RANBP2: variants seen among roughly 807,000 people sequenced by gnomAD.
RANBP2 encodes RAN binding protein 2, also known as E3 SUMO-protein ligase RanBP2.
In RANBP2, 57 loss-of-function variants were observed where a neutral mutation model predicts 303.6. The observed-to-expected ratio is 0.19, with a 90% CI of 0.15 to 0.23. RANBP2 has a LOEUF of 0.23. RANBP2 is among the 10% of genes least tolerant of loss of function. RANBP2 has a pLI of 1.00. For synonymous variants in RANBP2, 1,167 were observed against 1,301.5 expected, an observed-to-expected ratio of 0.90 and a Z score of 2.23; for missense variants, 3,138 against 3,780.8, an observed-to-expected ratio of 0.83 and a Z score of 4.46.
the RANBP2 span, among the ~76,000 whole-genome samples, chr2:109,587,962 G>A: frequency 6.6e-6 from 1 of 151,486 alleles, no homozygotes; most frequent in Admixed American, 6.6e-5. Context: ...CGGGCGTGGT[G>A]GCACCTATAA....
chr2:109,248,753 CTTCT>C, the RANBP2 span, among the ~76,000 whole-genome samples: 3 of 149,908 alleles, frequency 2.0e-5, no homozygotes, highest in South Asian at 2.1e-4. Flanking sequence ...TCTTTCCTTC[CTTCT>C]CTCTCTCTCT....
chr2:109,562,893 G>A, the RANBP2 span, among the ~76,000 whole-genome samples: 2 of 151,862 alleles, frequency 1.3e-5, no homozygotes, highest in Admixed American at 1.3e-4. Context: ...GGTGAGGGTG[G>A]GTTAAGTACA....
At chr2:109,531,900 C>T in the RANBP2 span, among the ~76,000 whole-genome samples, 24 of 152,354 alleles carry the variant, frequency 1.6e-4, no homozygotes, top group African/African-American at 5.8e-4. Flanking sequence ...GCTCAACCCA[C>T]ATAACTGTAA....
At chr2:109,214,977 C>T in the RANBP2 span, among the ~76,000 whole-genome samples, 2 of 152,210 alleles carry the variant, frequency 1.3e-5, no homozygotes, top group Non-Finnish European at 1.5e-5. Flanking sequence ...TCGCTGAGCT[C>T]ACACATCTTG....
At chr2:109,571,097 TCTC>T in the RANBP2 span, among the ~76,000 whole-genome samples, 2 of 152,092 alleles carry the variant, frequency 1.3e-5, no homozygotes, top group Non-Finnish European at 2.9e-5. Flanking sequence ...CCCCCTGCAC[TCTC>T]CTCCTCCTTC....
At chr2:108,786,187 C>G (rs547208341), downstream of RANBP2, among the ~76,000 whole-genome samples, 1 of 151,132 alleles carries the variant, frequency 6.6e-6, no homozygotes, top group South Asian at 2.1e-4. Context: ...TTTTAATACC[C>G]TGTTATACCC....
At chr2:109,078,245 GTGTATATATATATATATAGCGCGTATATA>G in the RANBP2 span, among the ~76,000 whole-genome samples, 582 of 33,914 alleles carry the variant, frequency 0.017, 53 homozygotes, top group African/African-American at 0.04. Context: ...TATATATAGC[GTGTATATATATATATATAGCGCGTATATA>G]TATATATATA....
At chr2:108,887,747 T>G in the RANBP2 span, among the ~76,000 whole-genome samples, 1 of 152,236 alleles carries the variant, frequency 6.6e-6, no homozygotes, top group Non-Finnish European at 1.5e-5. Context: ...TTTACTCAAT[T>G]TATTTATTAG....
chr2:109,710,062 G>A, the RANBP2 span, among the ~76,000 whole-genome samples: 4 of 149,718 alleles, frequency 2.7e-5, no homozygotes, highest in Non-Finnish European at 5.9e-5. Context: ...ACTCCTGCCT[G>A]GGTGACAGAG....
the RANBP2 span, among the ~76,000 whole-genome samples, chr2:108,838,697 T>C: frequency 6.6e-6 from 1 of 152,170 alleles, no homozygotes; most frequent in African/African-American, 2.4e-5. Flanking sequence ...TATAAACAAG[T>C]AAATAGTACT....
At chr2:109,766,505 T>G in the RANBP2 span, among the ~76,000 whole-genome samples, 14 of 150,694 alleles carry the variant, frequency 9.3e-5, no homozygotes, top group African/African-American at 2.7e-4. Flanking sequence ...AAATGTATCT[T>G]GATGACGTTG....
Position 108,782,393 on chromosome 2 carries a change from A to G in RANBP2, c.9026A>G (p.Asp3009Gly). The G allele has an allele frequency of 6.2e-7, 1 of 1,614,024 alleles. No homozygotes were observed. Among genetic ancestry groups the G allele is most frequent in the Non-Finnish European group, 8.5e-7 (1 of 1,180,024 alleles). Residue 3009 changes from aspartate to glycine, a missense_variant, in exon 27 of 29, where the codon GAT (aspartate) becomes GGT (glycine). Coordinates refer to ENST00000283195, the MANE Select transcript of RANBP2 (RefSeq NM_006267.5). ...AATGCTTTAGTTTGGACTGCCTCAG[A>G]TTATGCTGGTGAGTTTTTACATTCA... ...SNNALVWTAS[D>G]YADGEAKVEQ...
chr2:109,372,665 G>A, the RANBP2 span, among the ~76,000 whole-genome samples: 10 of 152,308 alleles, frequency 6.6e-5, no homozygotes, highest in Non-Finnish European at 1.2e-4. Flanking sequence ...GTTTCAGCGC[G>A]GGCCTCTTGG....
Position 108,785,377 on chromosome 2 carries a change from C to A in RANBP2, c.*1476C>A, listed in dbSNP as rs1678549709. 6.6e-6 allele frequency: 1 copy of A among 152,166 alleles called. No individual in the cohort carries two copies. Among genetic ancestry groups the A allele is most frequent in the African/African-American group, 2.4e-5 (1 of 41,442 alleles). 9.4% of individuals were successfully genotyped at this position (152,166 alleles called of 1,614,324 possible). A position where few individuals can be genotyped will look rare whatever the true frequency, so the allele number is the denominator to read the frequency against. On this transcript the variant is annotated 3_prime_UTR_variant, in exon 29 of 29. Transcript: ENST00000283195. ...ATTTCAAATTGGCTTATTTGGAAAT[C>A]TATGTAATATAAACTGATGTAAAGT...
chr2:109,560,210 G>A, the RANBP2 span, among the ~76,000 whole-genome samples: 1 of 152,210 alleles, frequency 6.6e-6, no homozygotes, highest in South Asian at 2.1e-4. Flanking sequence ...GTGAGCCACC[G>A]GGCCTGGCCC....
the RANBP2 span, among the ~76,000 whole-genome samples, chr2:108,864,772 C>A: frequency 7.1e-6 from 1 of 141,066 alleles, no homozygotes; most frequent in Non-Finnish European, 1.5e-5. Context: ...CCAGCCTGGG[C>A]GACAGAGCGA....
At chr2:109,313,629 T>G in the RANBP2 span, 1 of 154,992 alleles carries the variant, frequency 6.5e-6, no homozygotes, top group Non-Finnish European at 1.5e-5. Flanking sequence ...GCAGTGGGGC[T>G]CACTGCCTCT....
At chr2:109,548,002 AT>A in the RANBP2 span, among the ~76,000 whole-genome samples, 1 of 152,120 alleles carries the variant, frequency 6.6e-6, no homozygotes, top group Non-Finnish European at 1.5e-5. Flanking sequence ...TGTCTTTTTC[AT>A]TTTTATACCC....
the RANBP2 span, among the ~76,000 whole-genome samples, chr2:109,537,337 A>G: frequency 6.6e-6 from 1 of 152,190 alleles, no homozygotes; most frequent in African/African-American, 2.4e-5. Context: ...TGTTTGTAGT[A>G]TGAATTACAT....
Sources: allele counts gnomAD v4.1 joint callset (sites outside exome capture counted in the v4.1 genomes callset), GRCh38; gene constraint gnomAD v4.1.1; transcripts MANE v1.5; gene names NCBI Gene and HGNC (gene_info 2026-07-23, HGNC 2026-07-21).